DDX10: variants seen among roughly 807,000 people sequenced by gnomAD.
DDX10 encodes the protein probable ATP-dependent RNA helicase DDX10.
DDX10 carries 74 observed loss-of-function variants against 104.3 expected under a neutral mutation model. The ratio of observed to expected loss-of-function variants is 0.71; its 90% CI spans 0.59 to 0.86. The LOEUF (loss-of-function observed/expected upper bound fraction) is 0.86. Among genes scored for constraint, DDX10 ranks in the 40% least tolerant of loss-of-function variants. DDX10 has a pLI of 0.00. For synonymous variants in DDX10, 351 were observed against 353.4 expected (o/e 0.99, Z 0.08); for missense variants, 952 against 1,040.0 (o/e 0.92, Z 1.16).
intron 13 of DDX10, among the ~76,000 whole-genome samples, chr11:108,761,585 T>C (rs1485886245): frequency 6.6e-6 from 1 of 152,120 alleles, no homozygotes; most frequent in East Asian, 1.9e-4. Context: ...CTTTGTTAGC[T>C]GGGCAGCTCA....
chr11:108,672,952 G>A (rs548702931), intron 1 of DDX10, among the ~76,000 whole-genome samples: 1 of 152,208 alleles, frequency 6.6e-6, no homozygotes, highest in Non-Finnish European at 1.5e-5. Context: ...TAGTTATCAG[G>A]TTGGATTTCA....
At chr11:108,779,755 A>T (rs1031043012) in intron 13 of DDX10, among the ~76,000 whole-genome samples, 9 of 152,156 alleles carry the variant, frequency 5.9e-5, no homozygotes, top group African/African-American at 2.2e-4. Context: ...TTGGAGTACC[A>T]TTTTCCTAAT....
chr11:108,883,367 G>C (rs1863252241), intron 16 of DDX10, among the ~76,000 whole-genome samples: 1 of 152,034 alleles, frequency 6.6e-6, no homozygotes, highest in African/African-American at 2.4e-5. Flanking sequence ...CTTTCCATCT[G>C]TTACCACGAA....
In DDX10 at chr11:108,833,790, G is replaced by A. The variant is rs554717057; in HGVS notation, c.1966-4656G>A. 2.6e-5 allele frequency among the ~76,000 whole-genome samples: 4 copies of A among 152,008 alleles called. No individual in the cohort carries two copies. In the East Asian group the frequency reaches 7.7e-4, roughly 29 times the overall value. ...ACCTTTATTCCACTGACAATTTTTG[G>A]TTTCATTTTTCTGATTTTTCCCCCT... On this transcript the variant is annotated intron_variant, in intron 13 of 17. Transcript: ENST00000322536.
At chr11:108,757,341 ATT>A (rs1408721063) in intron 13 of DDX10, among the ~76,000 whole-genome samples, 1 of 152,046 alleles carries the variant, frequency 6.6e-6, no homozygotes, top group Non-Finnish European at 1.5e-5. Context: ...GTTAATTATA[ATT>A]TTATGTAATT....
chr11:108,833,079 A>G (rs1862493730), intron 13 of DDX10, among the ~76,000 whole-genome samples: 1 of 152,232 alleles, frequency 6.6e-6, no homozygotes, highest in Non-Finnish European at 1.5e-5. Flanking sequence ...ATGACGTGGA[A>G]CTAAGACTCT....
rs1329581366 is a variant in DDX10 at position 108,677,180 on chromosome 11, T to C, written c.474T>C (p.Phe158=). The C allele has an allele frequency of 1.2e-6, 2 of 1,614,008 alleles. No individual in the cohort carries two copies. Among genetic ancestry groups the C allele is most frequent in the Non-Finnish European group, 1.7e-6 (2 of 1,179,952 alleles). ...CGAGAGAACTGGCCTATCAGACCTT[T>C]GAGGTTCTCCGAAAAGTAGGAAAGA... ...SPTRELAYQT[F]EVLRKVGKNH... Residue 158 remains phenylalanine, a synonymous_variant, in exon 4 of 18, where the codon TTT becomes TTC. Transcript: ENST00000322536.
rs142347035 is a variant in DDX10 at position 108,736,936 on chromosome 11, T to C, written c.1965+13474T>C. On this transcript the variant is annotated intron_variant, in intron 13 of 17. Transcript: ENST00000322536. ...GGGAAGGAAGATTAAGAAGAAGAAT[T>C]AATATATAGGCTTCTGTAGGCACAT... 4.5e-3 allele frequency among the ~76,000 whole-genome samples: 685 copies of C among 152,348 alleles called. 6 individuals carry two copies. The highest frequency in any genetic ancestry group is 0.016 in the African/African-American group (649 of 41,594).
In DDX10 at chr11:108,940,295, G is replaced by A; in HGVS notation, c.2500G>A (p.Glu834Lys). 2 of 1,614,060 alleles carry A rather than the reference G, an allele frequency of 1.2e-6. No homozygotes were observed. Among genetic ancestry groups the A allele is most frequent in the South Asian group, 1.1e-5 (1 of 91,078 alleles). ...GAAGAAGAGGAGCAACAGTGAAGTG[G>A]AAGACGTGGGACCAACAAGTCATAA... The part of the protein sequence containing the change: ...GMKKRSNSEV[E>K]DVGPTSHNRK... The change falls in exon 18 of 18, where the codon GAA becomes AAA. Residue 834 changes from glutamate to lysine, a missense_variant. This residue lies in a region of DDX10 where 533 missense variants were observed against 534.1 expected (regional missense o/e 1.00). Transcript: ENST00000322536.
intron 13 of DDX10, among the ~76,000 whole-genome samples, chr11:108,831,115 C>T (rs1377165679): frequency 6.6e-6 from 1 of 151,998 alleles, no homozygotes; most frequent in Non-Finnish European, 1.5e-5. Flanking sequence ...TTAAGAAATA[C>T]TCTTATCGGG....
At chr11:108,879,222 G>A (rs369944657) in intron 16 of DDX10, among the ~76,000 whole-genome samples, 5 of 152,140 alleles carry the variant, frequency 3.3e-5, no homozygotes, top group African/African-American at 9.6e-5. Flanking sequence ...GGATGATCTC[G>A]ATCTTCTGAC....
At chr11:108,726,234 G>A (rs1467115448) in intron 13 of DDX10, among the ~76,000 whole-genome samples, 1 of 151,978 alleles carries the variant, frequency 6.6e-6, no homozygotes, top group East Asian at 1.9e-4. Flanking sequence ...GCATTTTCAT[G>A]TAAGGTTTTG....
At chr11:108,835,650 C>A (rs778267967) in intron 13 of DDX10, among the ~76,000 whole-genome samples, 3 of 152,128 alleles carry the variant, frequency 2.0e-5, no homozygotes, top group Non-Finnish European at 4.4e-5. Flanking sequence ...GGCTCAAGGG[C>A]CCGTTACAAA....
At chr11:108,721,212 A>G (rs1340388994) in intron 12 of DDX10, among the ~76,000 whole-genome samples, 4 of 152,202 alleles carry the variant, frequency 2.6e-5, no homozygotes, top group Non-Finnish European at 5.9e-5. Context: ...AACAGGTAAT[A>G]TGTCAGTTAT....
chr11:108,705,924 A>C (rs748668629), intron 9 of DDX10, among the ~76,000 whole-genome samples: 2 of 152,210 alleles, frequency 1.3e-5, no homozygotes, highest in Admixed American at 6.5e-5. Context: ...AGGTGAGGGA[A>C]GAGAAGTAAC....
chr11:108,912,859 C>T (rs1057264434), intron 16 of DDX10, among the ~76,000 whole-genome samples: 8 of 152,272 alleles, frequency 5.3e-5, no homozygotes, highest in Admixed American at 1.3e-4. Context: ...CTCCACCTCA[C>T]ATGTCAATTG....
At chr11:108,752,974 A>G (rs1049914823) in intron 13 of DDX10, among the ~76,000 whole-genome samples, 2 of 152,100 alleles carry the variant, frequency 1.3e-5, no homozygotes, top group Admixed American at 6.6e-5. Context: ...TATGTGCTAA[A>G]TAAATATTTG....
In DDX10 at chr11:108,679,351, C is replaced by T. The variant is rs779577476; in HGVS notation, c.659-20C>T. 2 of 1,574,444 alleles carry T rather than the reference C, an allele frequency of 1.3e-6. No homozygotes were observed. The highest frequency in any genetic ancestry group is 1.7e-6 in the Non-Finnish European group (2 of 1,165,482). On this transcript the variant is annotated intron_variant, in intron 5 of 17. Coordinates refer to ENST00000322536, the MANE Select transcript of DDX10 (RefSeq NM_004398.4). ...GTATATTTTACATATGATAGTTCAA[C>T]TTGCATTTTCCTTTTTCAGTTCTTG...
chr11:108,730,911 C>T (rs1358874153), intron 13 of DDX10, among the ~76,000 whole-genome samples: 2 of 150,808 alleles, frequency 1.3e-5, no homozygotes, highest in Non-Finnish European at 2.9e-5. Context: ...ATATGAGGAA[C>T]ATTTTGGGGC....
Sources: gnomAD v4.1 joint callset for allele counts (sites outside exome capture counted in the v4.1 genomes callset) on GRCh38, gnomAD v4.1.1 for gene constraint, gnomAD v4.1.1 regional missense constraint, MANE v1.5 for transcripts, NCBI Gene and HGNC (gene_info 2026-07-23, HGNC 2026-07-21) for gene names.